The following UVRAG variants were observed in gnomAD, a reference collection of about 807,000 sequenced individuals.
The protein encoded by UVRAG is UV radiation resistance-associated gene protein.
In UVRAG, 19 loss-of-function variants were observed where a neutral mutation model predicts 78.0. The observed-to-expected ratio is 0.24, with a 90% CI of 0.17 to 0.36. The LOEUF (loss-of-function observed/expected upper bound fraction) is 0.36. UVRAG is among the 10% of genes least tolerant of loss of function. UVRAG has a pLI of 1.00. For missense variants in UVRAG, 740 were observed against 853.8 expected, an observed-to-expected ratio of 0.87 and a Z score of 1.66; for synonymous variants, 323 against 324.6, an observed-to-expected ratio of 1.00 and a Z score of 0.05.
intron 13 of UVRAG, among the ~76,000 whole-genome samples, chr11:76,077,106 A>G (rs1303513742): frequency 6.7e-6 from 1 of 148,842 alleles, no homozygotes; most frequent in East Asian, 1.9e-4. Context: ...TAATTAAACA[A>G]CTCATTTCTG....
At chr11:76,006,014 G>C (rs966369977) in intron 9 of UVRAG, among the ~76,000 whole-genome samples, 1 of 145,938 alleles carries the variant, frequency 6.9e-6, no homozygotes, top group Non-Finnish European at 1.5e-5. Context: ...CTCAGAGTTT[G>C]GTGGGTGGGG....
At chr11:76,045,700 TAAAA>T (rs34827474) in intron 12 of UVRAG, among the ~76,000 whole-genome samples, 2 of 130,906 alleles carry the variant, frequency 1.5e-5, no homozygotes, top group Admixed American at 1.5e-4. Context: ...GTTTTTCTCT[TAAAA>T]AAAAAAAAAA....
chr11:76,052,943 G>A (rs2134354082), intron 12 of UVRAG, among the ~76,000 whole-genome samples: 1 of 149,356 alleles, frequency 6.7e-6, no homozygotes, highest in Admixed American at 6.7e-5. Flanking sequence ...TTATATTATA[G>A]AGTATCTATA....
chr11:76,062,988 T>C (rs189107566), intron 12 of UVRAG, among the ~76,000 whole-genome samples: 124 of 152,338 alleles, frequency 8.1e-4, no homozygotes, highest in African/African-American at 2.8e-3. Context: ...CTGCTCTGCT[T>C]CTGTTACCGC....
At chr11:75,844,804 G>T (rs1946000104) in intron 1 of UVRAG, among the ~76,000 whole-genome samples, 1 of 151,766 alleles carries the variant, frequency 6.6e-6, no homozygotes, top group African/African-American at 2.4e-5. Context: ...CTCCTGGGTA[G>T]CTGGAACTAC....
At chr11:75,834,034 C>T (rs141904835) in intron 1 of UVRAG, among the ~76,000 whole-genome samples, 428 of 152,242 alleles carry the variant, frequency 2.8e-3, no homozygotes, top group Non-Finnish European at 4.8e-3. Flanking sequence ...GGGCCTGTTC[C>T]CAACAGTTAT....
At chr11:75,951,613 C>T (rs751368480) in intron 6 of UVRAG, among the ~76,000 whole-genome samples, 51 of 152,210 alleles carry the variant, frequency 3.4e-4, no homozygotes, top group African/African-American at 5.5e-4. Context: ...AACTCCCAGC[C>T]TCAGGTGATC....
intron 13 of UVRAG, among the ~76,000 whole-genome samples, chr11:76,103,805 GAC>G (rs1951924311): frequency 6.6e-6 from 1 of 152,022 alleles, no homozygotes; most frequent in Admixed American, 6.6e-5. Context: ...GGAGTTCTGA[GAC>G]ACAAAGAATG....
chr11:75,848,020 A>G (rs1590929699), intron 1 of UVRAG, among the ~76,000 whole-genome samples: 1 of 142,636 alleles, frequency 7.0e-6, no homozygotes. Flanking sequence ...ACATAGGGAG[A>G]CTCTGTCTCT....
chr11:75,839,995 T>C (rs773835501), intron 1 of UVRAG, among the ~76,000 whole-genome samples: 6 of 152,064 alleles, frequency 3.9e-5, no homozygotes, highest in Non-Finnish European at 8.8e-5. Context: ...TTGTCCTCCT[T>C]TCCTCCCTCC....
At chr11:75,961,056 A>C (rs987730907) in intron 6 of UVRAG, among the ~76,000 whole-genome samples, 5 of 149,624 alleles carry the variant, frequency 3.3e-5, no homozygotes, top group Non-Finnish European at 5.9e-5. Context: ...GATACCTAGA[A>C]GTAATTGTCA....
In UVRAG at chr11:75,976,722, A is replaced by T. The variant is rs181441731; in HGVS notation, c.700-6665A>T. Among the ~76,000 whole-genome samples the T allele has an allele frequency of 9.1e-4, 138 of 151,754 alleles. 1 individual carries two copies. The highest frequency in any genetic ancestry group is 5.9e-5 in the Non-Finnish European group (4 of 67,882). On this transcript the variant is annotated intron_variant, in intron 7 of 14. Transcript: ENST00000356136. Reference sequence around the variant, plus strand: ...TGGGATCGGTGGTGATATCCCCTTTATCATTTGTTATTGCGTCTATTTGAT... The same window carrying T: ...TGGGATCGGTGGTGATATCCCCTTTTTCATTTGTTATTGCGTCTATTTGAT...
At chr11:75,898,147 G>A (rs982724190) in intron 5 of UVRAG, among the ~76,000 whole-genome samples, 3 of 152,154 alleles carry the variant, frequency 2.0e-5, no homozygotes, top group Non-Finnish European at 2.9e-5. Flanking sequence ...GGGATTACAG[G>A]CGTGAGCCAC....
At chr11:75,955,965 C>T (rs1332625110) in intron 6 of UVRAG, among the ~76,000 whole-genome samples, 1 of 152,178 alleles carries the variant, frequency 6.6e-6, no homozygotes, top group African/African-American at 2.4e-5. Context: ...TTAGTCCCCA[C>T]CACTCTTTTG....
chr11:75,906,956 A>G (rs1159259090), intron 5 of UVRAG, among the ~76,000 whole-genome samples: 1 of 152,190 alleles, frequency 6.6e-6, no homozygotes, highest in Non-Finnish European at 1.5e-5. Context: ...GGATATGCGA[A>G]TCTTCTAACT....
chr11:76,002,804 T>C (rs1195650276), intron 8 of UVRAG, among the ~76,000 whole-genome samples: 2 of 152,182 alleles, frequency 1.3e-5, no homozygotes, highest in African/African-American at 4.8e-5. Context: ...GGCCGGGCAC[T>C]GTAGCTCACA....
intron 1 of UVRAG, among the ~76,000 whole-genome samples, chr11:75,837,911 G>C (rs1190839581): frequency 2.6e-5 from 4 of 152,186 alleles, no homozygotes; most frequent in Non-Finnish European, 4.4e-5. Flanking sequence ...AGTTACTTTG[G>C]AGGCTGAAGC....
At chr11:75,908,257 C>G (rs923053054) in intron 5 of UVRAG, among the ~76,000 whole-genome samples, 2 of 152,166 alleles carry the variant, frequency 1.3e-5, no homozygotes, top group Non-Finnish European at 2.9e-5. Flanking sequence ...GAATTTCCTT[C>G]CTTTTTAATG....
At chr11:76,062,022 G>A (rs1208885455) in intron 12 of UVRAG, among the ~76,000 whole-genome samples, 2 of 152,114 alleles carry the variant, frequency 1.3e-5, no homozygotes, top group Admixed American at 1.3e-4. Context: ...CTGGAGGCCA[G>A]AAGTCCAAAA....
Sources: allele counts gnomAD v4.1 joint callset (sites outside exome capture counted in the v4.1 genomes callset), GRCh38; gene constraint gnomAD v4.1.1; transcripts MANE v1.5; gene names NCBI Gene and HGNC (gene_info 2026-07-23, HGNC 2026-07-21).